BBX: variants seen among roughly 807,000 people sequenced by gnomAD.
The protein encoded by BBX is HMG box transcription factor BBX.
BBX carries 30 observed loss-of-function variants against 100.2 expected under a neutral mutation model. The ratio of observed to expected loss-of-function variants is 0.30; its 90% confidence interval spans 0.22 to 0.41. The LOEUF is 0.41. Among genes scored for constraint, BBX ranks in the 10% least tolerant of loss-of-function variants. The probability of loss-of-function intolerance (pLI) is 1.00; values close to 1 mark genes in which losing one functional copy is unlikely to be tolerated. For missense variants in BBX, 1,023 were observed against 1,129.8 expected (o/e 0.91, Z 1.35); for synonymous variants, 376 against 388.1 (o/e 0.97, Z 0.37).
chr3:107,681,261 A>AT (rs2059559131), intron 3 of BBX, among the ~76,000 whole-genome samples: 3 of 152,320 alleles, frequency 2.0e-5, no homozygotes, highest in Admixed American at 1.3e-4. Context: ...CATATAGTAG[A>AT]TGAGTCTTGT....
rs576732698 is a variant in BBX, at chr3:107,740,799, G to A, written c.670-3831G>A. On this transcript the variant is annotated intron_variant, in intron 7 of 17. Transcript: ENST00000325805. ...CTTAGATGTTATCTATCTTCCACCT[G>A]TTCCCACACAGAGTGAAGGCTGCCT... 2.6e-5 allele frequency among the ~76,000 whole-genome samples: 4 copies of A among 151,756 alleles called. No individual in the cohort carries two copies. The South Asian group carries it at 8.4e-4, about 32-fold the overall frequency.
intron 2 of BBX, among the ~76,000 whole-genome samples, chr3:107,546,960 C>G (rs2049283633): frequency 6.6e-6 from 1 of 152,048 alleles, no homozygotes; most frequent in South Asian, 2.1e-4. Flanking sequence ...TTTATTCTGA[C>G]TTGTGGGCAT....
At chr3:107,603,655 G>A (rs1403319004) in intron 2 of BBX, among the ~76,000 whole-genome samples, 1 of 152,116 alleles carries the variant, frequency 6.6e-6, no homozygotes, top group Non-Finnish European at 1.5e-5. Flanking sequence ...TGGGATCACA[G>A]ATGTGAGCCA....
chr3:107,639,173 T>C (rs1290294298), intron 2 of BBX, among the ~76,000 whole-genome samples: 1 of 152,194 alleles, frequency 6.6e-6, no homozygotes, highest in Non-Finnish European at 1.5e-5. Context: ...TTGGACTAAA[T>C]TTTTTTATTA....
chr3:107,698,593 A>C (rs1347394146), intron 3 of BBX, among the ~76,000 whole-genome samples: 1 of 151,188 alleles, frequency 6.6e-6, no homozygotes, highest in Non-Finnish European at 1.5e-5. Flanking sequence ...TGGAGGTTGC[A>C]GTGAGCCGAG....
intron 5 of BBX, among the ~76,000 whole-genome samples, chr3:107,723,745 C>T (rs963501335): frequency 6.6e-6 from 1 of 151,980 alleles, no homozygotes; most frequent in Non-Finnish European, 1.5e-5. Flanking sequence ...TGAACTCATC[C>T]TTTTTTATGG....
chr3:107,541,254 C>G (rs995742773), intron 2 of BBX, among the ~76,000 whole-genome samples: 3 of 152,256 alleles, frequency 2.0e-5, no homozygotes, highest in East Asian at 1.9e-4. Context: ...CCCCTGCGAC[C>G]AGCACTCATA....
chr3:107,753,838 T>C (rs902448574), intron 9 of BBX, among the ~76,000 whole-genome samples: 1 of 152,252 alleles, frequency 6.6e-6, no homozygotes, highest in Non-Finnish European at 1.5e-5. Flanking sequence ...ATTACTAAAT[T>C]TAATAAATAT....
chr3:107,783,386 C>T (rs542804027), intron 13 of BBX, among the ~76,000 whole-genome samples: 229 of 152,012 alleles, frequency 1.5e-3, no homozygotes, highest in African/African-American at 5.3e-3. Flanking sequence ...GTTATTTTTT[C>T]ATGTTAAAAT....
intron 2 of BBX, among the ~76,000 whole-genome samples, chr3:107,552,561 T>C (rs752745345): frequency 6.6e-6 from 1 of 151,982 alleles, no homozygotes; most frequent in Non-Finnish European, 1.5e-5. Context: ...GTAGGGAAAA[T>C]AGACATTAGG....
intron 13 of BBX, among the ~76,000 whole-genome samples, chr3:107,782,475 C>T (rs745916481): frequency 1.3e-5 from 2 of 151,998 alleles, no homozygotes; most frequent in Non-Finnish European, 2.9e-5. Context: ...AGAGTTACGC[C>T]TGACATTTGT....
chr3:107,666,616 A>C lies in BBX; in HGVS notation c.-10+20707A>C, dbSNP rs368949067. ...GAGTCTCGCTCTATTGGCAGACTGG[A>C]GTGCAGTGGCGCGATCTCGGCTCAC... is the stretch of plus-strand genomic sequence containing the variant. On this transcript the variant is annotated intron_variant, in intron 3 of 17. Transcript: ENST00000325805. Among the ~76,000 whole-genome samples, 6 of 152,292 alleles carry C rather than the reference A, an allele frequency of 3.9e-5. No homozygotes were observed. The South Asian group carries it at 6.2e-4, about 16-fold the overall frequency.
intron 2 of BBX, among the ~76,000 whole-genome samples, chr3:107,567,063 C>T (rs1429462695): frequency 6.6e-6 from 1 of 151,858 alleles, no homozygotes; most frequent in African/African-American, 2.4e-5. Context: ...TTAAAATTTC[C>T]CATTAATTTT....
chr3:107,802,857 A>G (rs2070665772), intron 17 of BBX, among the ~76,000 whole-genome samples: 1 of 152,148 alleles, frequency 6.6e-6, no homozygotes, highest in South Asian at 2.1e-4. Flanking sequence ...ACATCCTCTG[A>G]TCAGGTGAAC....
chr3:107,736,712 A>G (rs530280751), intron 7 of BBX, among the ~76,000 whole-genome samples: 39 of 152,210 alleles, frequency 2.6e-4, no homozygotes, highest in African/African-American at 4.3e-4. Flanking sequence ...TATAATTCAG[A>G]TTGTGGAAGG....
At chr3:107,732,871 T>C in intron 6 of BBX, 85 bp from the exon 7 acceptor site, 1 of 1,101,588 alleles carries the variant, frequency 9.1e-7, no homozygotes, top group Middle Eastern at 2.1e-4. Context: ...TTCTGATTGC[T>C]AGTCTTTATG....
chr3:107,620,157 C>T (rs1417791572), intron 2 of BBX, among the ~76,000 whole-genome samples: 1 of 151,924 alleles, frequency 6.6e-6, no homozygotes, highest in South Asian at 2.1e-4. Context: ...TTGCCTCTGT[C>T]CCCTCCATTC....
intron 3 of BBX, among the ~76,000 whole-genome samples, chr3:107,683,331 C>A (rs923004783): frequency 9.2e-5 from 14 of 151,972 alleles, no homozygotes; most frequent in African/African-American, 3.1e-4. Context: ...TAAACTTGTA[C>A]TTTTTAGAAA....
chr3:107,661,463 T>TTG (rs1201634095), intron 3 of BBX, among the ~76,000 whole-genome samples: 1 of 152,090 alleles, frequency 6.6e-6, no homozygotes, highest in Non-Finnish European at 1.5e-5. Flanking sequence ...GTTTGGAGGA[T>TTG]TGTGTGTGTA....
Sources: allele counts gnomAD v4.1 joint callset (sites outside exome capture counted in the v4.1 genomes callset), GRCh38; gene constraint gnomAD v4.1.1; transcripts MANE v1.5; gene names NCBI Gene and HGNC (gene_info 2026-07-23, HGNC 2026-07-21).